Variants in RBM23 observed in about 807,000 individuals in gnomAD.
RBM23 encodes probable RNA-binding protein 23.
RBM23 carries 53 observed loss-of-function variants against 56.2 expected under a neutral mutation model. That is an observed-to-expected ratio of 0.94 (90% CI 0.76 to 1.19). The LOEUF (loss-of-function observed/expected upper bound fraction) is 1.19, where lower values mean the gene tolerates loss of function less well. Among genes scored for constraint, RBM23 ranks in the 50% most tolerant of loss-of-function variants. RBM23 has a pLI of 0.00. For synonymous variants in RBM23, 197 were observed against 198.5 expected, an observed-to-expected ratio of 0.99 and a Z score of 0.06; for missense variants, 642 against 590.3, an observed-to-expected ratio of 1.09 and a Z score of -0.91.
At chr14:22,909,912 A>C (rs1441521885) in intron 2 of RBM23, among the ~76,000 whole-genome samples, 1 of 149,868 alleles carries the variant, frequency 6.7e-6, no homozygotes, top group African/African-American at 2.5e-5. Context: ...CAGCACTTTT[A>C]AAGGCTGAGG....
At chr14:22,907,233 T>G (rs2041727636) in intron 4 of RBM23, among the ~76,000 whole-genome samples, 1 of 152,068 alleles carries the variant, frequency 6.6e-6, no homozygotes, top group Non-Finnish European at 1.5e-5. Context: ...TCCCAGCTAT[T>G]CAGGAGGCTG....
At chr14:22,915,183 A>G (rs1480419572) in intron 1 of RBM23, among the ~76,000 whole-genome samples, 1 of 152,176 alleles carries the variant, frequency 6.6e-6, no homozygotes, top group Non-Finnish European at 1.5e-5. Flanking sequence ...TGGAGAGAGA[A>G]GATTCTTAGA....
At position 22,896,600 on chromosome 14, in the gene RBM23, G is replaced by A. The variant is rs1181635094; in HGVS notation, c.*5130C>T. ...CAGGCACCTCATCCATCTACCCATT[G>A]CTCTCAAAAATAACTGCTTAATGGC... On this transcript the variant is annotated 3_prime_UTR_variant, in exon 14 of 14. Coordinates refer to ENST00000359890, the MANE Select transcript of RBM23 (RefSeq NM_001077351.2). The A allele has an allele frequency of 6.6e-6, 1 of 152,152 alleles. No homozygotes were observed. Among genetic ancestry groups the A allele is most frequent in the Admixed American group, 6.5e-5 (1 of 15,282 alleles). The allele number at this position is 152,152 out of a possible 1,614,324, so 9.4% of individuals were successfully genotyped here. A position where few individuals can be genotyped will look rare whatever the true frequency, so the allele number is the denominator to read the frequency against.
intron 10 of RBM23, chr14:22,902,909 G>T: frequency 1.5e-6 from 1 of 681,718 alleles, no homozygotes; most frequent in African/African-American, 2.0e-5. Context: ...CGAGTAGCTG[G>T]AATTACAGGC....
chr14:22,903,046 T>A, intron 10 of RBM23: 1 of 983,020 alleles, frequency 1.0e-6, no homozygotes, highest in Non-Finnish European at 1.2e-6. Flanking sequence ...CCTCCCAAAC[T>A]GCTGGGATTA....
At chr14:22,908,270 C>T (rs1863630617) in intron 4 of RBM23, 63 bp downstream of exon 4, 1 of 1,525,596 alleles carries the variant, frequency 6.6e-7, no homozygotes, top group Non-Finnish European at 8.8e-7. Context: ...ATCCTCCCGC[C>T]TTGGCTTCCA....
chr14:22,906,367 G>A lies in RBM23; in HGVS notation c.229C>T (p.Arg77Cys), dbSNP rs757376189. 14 of 1,613,806 alleles carry A rather than the reference G, an allele frequency of 8.7e-6. No individual in the cohort carries two copies. Among genetic ancestry groups the A allele is most frequent in the South Asian group, 4.4e-5 (4 of 91,068 alleles). ...CTATACCGATCCCGATCTCGACTACGACTACAGAGGGAAACAACTACAGTC... is the reference window on the plus strand; with the variant it reads ...CTATACCGATCCCGATCTCGACTACAACTACAGAGGGAAACAACTACAGTC... ...HNKSRDRKRS[R>C]SRDRDRYRRR... The change falls in exon 5 of 14, where the codon CGT becomes TGT. Residue 77 changes from arginine (R) to cysteine (C), a missense_variant and splice_region_variant. Coordinates refer to ENST00000359890, the MANE Select transcript of RBM23 (RefSeq NM_001077351.2).
intron 1 of RBM23, among the ~76,000 whole-genome samples, chr14:22,916,126 G>A (rs1467924616): frequency 2.0e-5 from 3 of 152,164 alleles, no homozygotes; most frequent in Non-Finnish European, 2.9e-5. Flanking sequence ...TGAAATGGAA[G>A]GATCGCTTGA....
In RBM23 at chr14:22,912,935, G is replaced by C. The variant is rs1242396582; in HGVS notation, c.-10-1532C>G. Among the ~76,000 whole-genome samples the C allele has an allele frequency of 6.9e-5, 10 of 145,638 alleles. No individual in the cohort carries two copies. The South Asian group carries it at 1.7e-3, about 25-fold the overall frequency. ...GTATCACTTGAACCCAGGAGGCGGA[G>C]GTTGCAGTTAGCCAAGATTGTGCCA... On this transcript the variant is annotated intron_variant, in intron 1 of 13. Transcript: ENST00000359890.
At chr14:22,916,068 T>C (rs2043430279) in intron 1 of RBM23, among the ~76,000 whole-genome samples, 1 of 152,034 alleles carries the variant, frequency 6.6e-6, no homozygotes, top group Admixed American at 6.6e-5. Flanking sequence ...ATATAAAAAT[T>C]AGCCACGCAT....
In RBM23 at chr14:22,899,811, C is replaced by T. The variant is rs1007154841; in HGVS notation, c.*1919G>A. On this transcript the variant is annotated 3_prime_UTR_variant, in exon 14 of 14. Transcript: ENST00000359890. ...TTAAATGATTTTGTGTTAAAAGCAA[C>T]CCCAGAGGCTAACATCACTGGCTTA... 2 of 152,222 alleles carry T rather than the reference C, an allele frequency of 1.3e-5. No homozygotes were observed. The highest frequency in any genetic ancestry group is 2.4e-5 in the African/African-American group (1 of 41,462). The allele number at this position is 152,222 out of a possible 1,614,324, so 9.4% of individuals were successfully genotyped here.
In RBM23 at chr14:22,896,544, A is replaced by G. The variant is rs1319536893; in HGVS notation, c.*5186T>C. 3.3e-5 allele frequency: 5 copies of G among 152,258 alleles called. No homozygotes were observed. In the East Asian group the frequency reaches 9.6e-4, roughly 29 times the overall value. The allele number at this position is 152,258 out of a possible 1,614,324, so 9.4% of individuals were successfully genotyped here. ...AAGGTCATTGTTTCTCCTTTCTACAATCCGGCACTGACTGGCTGCTTTCCA... is the reference window on the plus strand; with the variant it reads ...AAGGTCATTGTTTCTCCTTTCTACAGTCCGGCACTGACTGGCTGCTTTCCA... On this transcript the variant is annotated 3_prime_UTR_variant, in exon 14 of 14. Coordinates refer to ENST00000359890, the MANE Select transcript of RBM23 (RefSeq NM_001077351.2).
At position 22,896,820 on chromosome 14, in the gene RBM23, A is replaced by G. The variant is rs187797007; in HGVS notation, c.*4910T>C. The G allele has an allele frequency of 6.6e-6, 1 of 152,348 alleles. No individual in the cohort carries two copies. Among genetic ancestry groups the G allele is most frequent in the East Asian group, 1.9e-4 (1 of 5,188 alleles). The allele number at this position is 152,348 out of a possible 1,614,324, so 9.4% of individuals were successfully genotyped here. A position where few individuals can be genotyped will look rare whatever the true frequency, so the allele number is the denominator to read the frequency against. ...TCTCTCAACCAAGGGCACACCAGAG[A>G]GCAAACCAGTCCTGGATATAAAGCG... On this transcript the variant is annotated 3_prime_UTR_variant, in exon 14 of 14. Coordinates refer to ENST00000359890, the MANE Select transcript of RBM23 (RefSeq NM_001077351.2).
At chr14:22,913,087 GT>G (rs1377276173) in intron 1 of RBM23, among the ~76,000 whole-genome samples, 1 of 146,520 alleles carries the variant, frequency 6.8e-6, no homozygotes, top group African/African-American at 2.5e-5. Context: ...AGGGATAGAA[GT>G]AAGGGGAAGG....
At chr14:22,903,407 A>C in intron 10 of RBM23, 1 of 985,524 alleles carries the variant, frequency 1.0e-6, no homozygotes. Context: ...AAAGGTTACA[A>C]AAGTTACTTG....
chr14:22,911,244 A>G, intron 2 of RBM23, 84 bp downstream of exon 2: 4 of 1,086,918 alleles, frequency 3.7e-6, no homozygotes, highest in Non-Finnish European at 4.2e-6. Context: ...AAGAGGATTC[A>G]TAAAATGTTG....
intron 4 of RBM23, among the ~76,000 whole-genome samples, chr14:22,907,303 T>C (rs1383269259): frequency 2.0e-5 from 3 of 152,064 alleles, no homozygotes; most frequent in African/African-American, 4.8e-5. Flanking sequence ...GATCACGCCA[T>C]TGCATTCCAG....
chr14:22,906,810 G>C lies in RBM23; in HGVS notation c.228-442C>G, dbSNP rs1171615270. 2.0e-5 allele frequency among the ~76,000 whole-genome samples: 3 copies of C among 152,126 alleles called. No homozygotes were observed. The East Asian group carries it at 5.8e-4, about 30-fold the overall frequency. On this transcript the variant is annotated intron_variant, in intron 4 of 13. Transcript: ENST00000359890. ...TCCCAGCACTTTGGGAGGCCAAGGC[G>C]GGCAGATCACCTGAGGTCGAGAGTT...
rs1189830121 is a variant in RBM23, at chr14:22,898,136, A to G, written c.*3594T>C. ...GTTTTTACTCAATTCCCTTCATGAT[A>G]TGCTCCAGGACTAAAAGTTCACAGG... is the stretch of plus-strand genomic sequence containing the variant. On this transcript the variant is annotated 3_prime_UTR_variant, in exon 14 of 14. Transcript: ENST00000359890. 4 of 152,174 alleles carry G rather than the reference A, an allele frequency of 2.6e-5. No individual in the cohort carries two copies. Among genetic ancestry groups the G allele is most frequent in the African/African-American group, 9.7e-5 (4 of 41,432 alleles). The allele number at this position is 152,174 out of a possible 1,614,324, so 9.4% of individuals were successfully genotyped here. A position where few individuals can be genotyped will look rare whatever the true frequency, so the allele number is the denominator to read the frequency against.
Sources: allele counts gnomAD v4.1 joint callset (sites outside exome capture counted in the v4.1 genomes callset), GRCh38; gene constraint gnomAD v4.1.1; transcripts MANE v1.5; gene names NCBI Gene and HGNC (gene_info 2026-07-23, HGNC 2026-07-21).